Variants in SLC44A5 observed in about 807,000 individuals in gnomAD.
SLC44A5 encodes the protein solute carrier family 44 member 5, also known as choline transporter-like protein 5.
SLC44A5 carries 57 observed loss-of-function variants against 101.8 expected under a neutral mutation model. The ratio of observed to expected loss-of-function variants is 0.56; its 90% CI spans 0.45 to 0.70. The LOEUF (loss-of-function observed/expected upper bound fraction) is 0.70, where lower values mean the gene tolerates loss of function less well. SLC44A5 is among the 30% of genes least tolerant of loss of function. The pLI is 0.00. For missense variants in SLC44A5, 737 were observed against 853.1 expected (o/e 0.86, Z 1.70); for synonymous variants, 281 against 290.9 (o/e 0.97, Z 0.35).
At chr1:75,425,495 G>A (rs983702030) in intron 2 of SLC44A5, among the ~76,000 whole-genome samples, 4 of 152,122 alleles carry the variant, frequency 2.6e-5, no homozygotes, top group African/African-American at 9.7e-5. Context: ...AGCAATCAAG[G>A]GACCACAGCC....
intron 5 of SLC44A5, among the ~76,000 whole-genome samples, chr1:75,291,768 T>G (rs1327609847): frequency 6.6e-6 from 1 of 151,848 alleles, no homozygotes; most frequent in Non-Finnish European, 1.5e-5. Flanking sequence ...TCCCAGCACT[T>G]TGGGAGGCCA....
At chr1:75,335,603 T>C (rs1023671127) in intron 4 of SLC44A5, among the ~76,000 whole-genome samples, 4 of 152,174 alleles carry the variant, frequency 2.6e-5, no homozygotes, top group Non-Finnish European at 4.4e-5. Context: ...AGTTCTTGGA[T>C]GGACAGAGTT....
At chr1:75,398,257 C>A in intron 2 of SLC44A5, 1 of 300,272 alleles carries the variant, frequency 3.3e-6, no homozygotes. Flanking sequence ...CTTCTAATCA[C>A]ATTTTAGCTT....
intron 4 of SLC44A5, among the ~76,000 whole-genome samples, chr1:75,305,969 C>A (rs1346037275): frequency 1.3e-5 from 2 of 152,172 alleles, no homozygotes; most frequent in Non-Finnish European, 2.9e-5. Context: ...AGTGTATGGG[C>A]CAAATCTGGT....
chr1:75,366,381 A>C (rs2101140227), intron 3 of SLC44A5, among the ~76,000 whole-genome samples: 1 of 151,880 alleles, frequency 6.6e-6, no homozygotes, highest in Admixed American at 6.6e-5. Context: ...CTGTTAAGAA[A>C]CCCATTGGCA....
intron 2 of SLC44A5, among the ~76,000 whole-genome samples, chr1:75,531,632 CACTT>C (rs1670725439): frequency 6.6e-6 from 1 of 152,188 alleles, no homozygotes; most frequent in South Asian, 2.1e-4. Context: ...GTCCGTGTCA[CACTT>C]TGACAAAGCT....
intron 1 of SLC44A5, among the ~76,000 whole-genome samples, chr1:75,560,421 T>C (rs186571649): frequency 2.6e-5 from 4 of 152,242 alleles, no homozygotes; most frequent in South Asian, 4.1e-4. Flanking sequence ...TTGTCTAGGA[T>C]TGGCAGGAGG....
chr1:75,469,921 A>C (rs1667015647), intron 2 of SLC44A5, among the ~76,000 whole-genome samples: 1 of 149,200 alleles, frequency 6.7e-6, no homozygotes, highest in South Asian at 2.1e-4. Flanking sequence ...AAAAAAAAAA[A>C]AAAGTAGAGT....
intron 2 of SLC44A5, among the ~76,000 whole-genome samples, chr1:75,522,398 C>T (rs1287916447): frequency 1.3e-5 from 2 of 151,498 alleles, no homozygotes; most frequent in East Asian, 3.9e-4. Context: ...TTGAGAAATC[C>T]CTGTATTTGG....
At chr1:75,723,120 A>T in the SLC44A5 span, among the ~76,000 whole-genome samples, 7 of 152,208 alleles carry the variant, frequency 4.6e-5, no homozygotes, top group African/African-American at 1.4e-4. Flanking sequence ...GGACAAGTAC[A>T]GAGGTCCCCT....
At chr1:75,681,255 T>G in the SLC44A5 span, among the ~76,000 whole-genome samples, 1 of 152,164 alleles carries the variant, frequency 6.6e-6, no homozygotes, top group Non-Finnish European at 1.5e-5. Flanking sequence ...TAACTCAGTT[T>G]ATGAGGCCAG....
the SLC44A5 span, among the ~76,000 whole-genome samples, chr1:75,637,047 C>A: frequency 6.6e-6 from 1 of 152,070 alleles, no homozygotes; most frequent in East Asian, 1.9e-4. Flanking sequence ...CTAAAGAGTT[C>A]TCGAAATATG....
intron 23 of SLC44A5, among the ~76,000 whole-genome samples, chr1:75,207,500 T>G (rs1413425263): frequency 6.6e-6 from 1 of 152,146 alleles, no homozygotes; most frequent in African/African-American, 2.4e-5. Flanking sequence ...TACATTTGCA[T>G]GAAATTAAGC....
intron 23 of SLC44A5, among the ~76,000 whole-genome samples, chr1:75,209,599 C>T (rs758209232): frequency 7.9e-5 from 12 of 152,266 alleles, no homozygotes; most frequent in African/African-American, 1.9e-4. Flanking sequence ...CTAACTAGTA[C>T]ATAAAGTTCT....
intron 5 of SLC44A5, among the ~76,000 whole-genome samples, 184 bp downstream of exon 5, chr1:75,300,428 T>C (rs575566240): frequency 1.1e-4 from 16 of 152,272 alleles, no homozygotes; most frequent in South Asian, 2.1e-4. Context: ...GACTAAACTG[T>C]TTTATGTTCA....
chr1:75,713,464 C>G, the SLC44A5 span, among the ~76,000 whole-genome samples: 1 of 152,288 alleles, frequency 6.6e-6, no homozygotes, highest in African/African-American at 2.4e-5. Flanking sequence ...AAAGGATTCT[C>G]AGATCCATTT....
chr1:75,316,833 C>A (rs993708223), intron 4 of SLC44A5, among the ~76,000 whole-genome samples: 5 of 152,112 alleles, frequency 3.3e-5, no homozygotes, highest in African/African-American at 1.2e-4. Context: ...GAAAGAAATG[C>A]TTATTCACTA....
chr1:75,411,213 C>T (rs983809115), intron 2 of SLC44A5, among the ~76,000 whole-genome samples: 8 of 152,018 alleles, frequency 5.3e-5, no homozygotes, highest in Non-Finnish European at 1.5e-5. Flanking sequence ...TTCAATGTAT[C>T]AATTTAAGCA....
At chr1:75,649,473 T>C in the SLC44A5 span, among the ~76,000 whole-genome samples, 2 of 152,064 alleles carry the variant, frequency 1.3e-5, no homozygotes, top group East Asian at 3.8e-4. Flanking sequence ...TTCCATTCAC[T>C]TCCTTCAAGA....
Sources: allele counts gnomAD v4.1 joint callset (sites outside exome capture counted in the v4.1 genomes callset), GRCh38; gene constraint gnomAD v4.1.1; transcripts MANE v1.5; gene names NCBI Gene and HGNC (gene_info 2026-07-23, HGNC 2026-07-21).